ACTL6A: variants seen among roughly 807,000 people sequenced by gnomAD.
ACTL6A encodes actin like 6A.
In ACTL6A, 5 loss-of-function variants were observed where a neutral mutation model predicts 59.2. That is an observed-to-expected ratio of 0.08 (90% CI 0.04 to 0.18). The LOEUF (loss-of-function observed/expected upper bound fraction) is 0.18. Ranked by LOEUF, ACTL6A falls within the 10% of genes least tolerant of loss-of-function variation. The pLI is 1.00. For synonymous variants in ACTL6A, 154 were observed against 171.8 expected (o/e 0.90, Z 0.81); for missense variants, 285 against 526.9 (o/e 0.54, Z 4.49).
intron 4 of ACTL6A, among the ~76,000 whole-genome samples, chr3:179,573,673 C>A (rs1305216962): frequency 1.3e-5 from 2 of 151,906 alleles, no homozygotes; most frequent in Non-Finnish European, 2.9e-5. Flanking sequence ...AATAAAATAT[C>A]CAGAGAACAA....
intron 1 of ACTL6A, among the ~76,000 whole-genome samples, chr3:179,569,399 C>T (rs1472086047): frequency 1.3e-5 from 2 of 152,176 alleles, no homozygotes; most frequent in African/African-American, 4.8e-5. Context: ...AAATAATTCC[C>T]TTTAATAAGT....
intron 12 of ACTL6A, among the ~76,000 whole-genome samples, chr3:179,584,733 C>T (rs1044944826): frequency 2.6e-5 from 4 of 151,882 alleles, no homozygotes; most frequent in Non-Finnish European, 5.9e-5. Context: ...TGCAGTAAGC[C>T]GAGATCATGC....
At chr3:179,581,721 T>C (rs1486162215) in intron 11 of ACTL6A, among the ~76,000 whole-genome samples, 1 of 152,246 alleles carries the variant, frequency 6.6e-6, no homozygotes, top group Admixed American at 6.5e-5. Flanking sequence ...TTATTTTAAA[T>C]GCTCTTCATA....
chr3:179,567,604 C>A (rs1717874852), intron 1 of ACTL6A, among the ~76,000 whole-genome samples: 1 of 152,124 alleles, frequency 6.6e-6, no homozygotes, highest in Non-Finnish European at 1.5e-5. Context: ...ACAATTAATT[C>A]ATTTAATTAG....
intron 4 of ACTL6A, 142 bp from the exon 5 acceptor site, chr3:179,574,228 A>T: frequency 2.2e-6 from 1 of 455,724 alleles, no homozygotes. Context: ...TTTATGAGAT[A>T]TTATGAAAGA....
chr3:179,585,349 G>A (rs528849700), intron 12 of ACTL6A, among the ~76,000 whole-genome samples: 13 of 152,204 alleles, frequency 8.5e-5, no homozygotes, highest in African/African-American at 2.9e-4. Flanking sequence ...TGATCCACCC[G>A]CCTCGGCCTC....
intron 8 of ACTL6A, among the ~76,000 whole-genome samples, chr3:179,577,500 T>G (rs1194358891): frequency 1.3e-5 from 2 of 151,724 alleles, no homozygotes; most frequent in Non-Finnish European, 2.9e-5. Context: ...AAAAAAAAAC[T>G]GTTACTTTAG....
At chr3:179,580,749 T>C in intron 9 of ACTL6A, 48 bp downstream of exon 9, 2 of 1,460,856 alleles carry the variant, frequency 1.4e-6, no homozygotes, top group Admixed American at 2.2e-5. Flanking sequence ...GGAAAGGATT[T>C]GTTTAAAAAA....
chr3:179,584,035 T>C (rs1331416006), intron 12 of ACTL6A, among the ~76,000 whole-genome samples: 2 of 152,218 alleles, frequency 1.3e-5, no homozygotes, highest in Non-Finnish European at 2.9e-5. Flanking sequence ...TGGATTAGTT[T>C]CCTAGAGCTG....
chr3:179,563,299 C>T, intron 1 of ACTL6A, 182 bp downstream of exon 1: 1 of 1,030,110 alleles, frequency 9.7e-7, no homozygotes, highest in Non-Finnish European at 1.4e-6. Context: ...GCTCGCCGTG[C>T]TCCTCGGGCT....
At chr3:179,585,859 A>G (rs1718473977) in intron 12 of ACTL6A, among the ~76,000 whole-genome samples, 1 of 152,182 alleles carries the variant, frequency 6.6e-6, no homozygotes, top group African/African-American at 2.4e-5. Context: ...GAACAGAAGC[A>G]CTAATTTGGA....
In ACTL6A at chr3:179,570,227, T is replaced by C. The variant is rs1479130676; in HGVS notation, c.263T>C (p.Leu88Pro). The stretch of plus-strand genomic sequence containing the variant: ...GAGAATATGGAGGCCATTTCACCTC[T>C]AAAAAATGGGATGGGTATGATGTTT... ...PRENMEAISPLKNGMVEDWDS... is the reference protein window; with the variant it reads ...PRENMEAISPPKNGMVEDWDS... The change falls in exon 3 of 14, where the codon CTA becomes CCA. Residue 88 changes from leucine to proline, a missense_variant. Physicochemically the swap from Leu to Pro is moderately conservative, Grantham distance 98 (BLOSUM62 -3). Coordinates refer to ENST00000429709, the MANE Select transcript of ACTL6A (RefSeq NM_004301.5). The surrounding 1 kb of genome is among the most constrained non-coding windows in gnomAD (Gnocchi z 4.3). 6.2e-7 allele frequency: 1 copy of C among 1,612,384 alleles called. No homozygotes were observed. Among genetic ancestry groups the C allele is most frequent in the Non-Finnish European group, 8.5e-7 (1 of 1,179,492 alleles).
rs1008070570 is a variant in ACTL6A, at chr3:179,562,952, G to T, written c.-141G>T. 5 of 1,117,640 alleles carry T rather than the reference G, an allele frequency of 4.5e-6. No individual in the cohort carries two copies. Among genetic ancestry groups the T allele is most frequent in the Non-Finnish European group, 6.5e-6 (5 of 764,284 alleles). The allele number at this position is 1,117,640 out of a possible 1,614,324, so 69.2% of individuals were successfully genotyped here. A position where few individuals can be genotyped will look rare whatever the true frequency, so the allele number is the denominator to read the frequency against. On this transcript the variant is annotated 5_prime_UTR_variant, in exon 1 of 14. Transcript: ENST00000429709. Reference sequence around the variant, plus strand: ...AGTGTGGCTGAGCTCCGGGGTGTGTGGACGCCGCTTTGTTGCCTGAGGTGG... The same window carrying T: ...AGTGTGGCTGAGCTCCGGGGTGTGTTGACGCCGCTTTGTTGCCTGAGGTGG...
chr3:179,580,712 T>C lies in ACTL6A; in HGVS notation c.830+11T>C. ...AACTTATGATGAACAGTATGTTTTC[T>C]TATTAAAATGTATACTTTATAAATG... On this transcript the variant is annotated intron_variant, in intron 9 of 13. Coordinates refer to ENST00000429709, the MANE Select transcript of ACTL6A (RefSeq NM_004301.5). 1 of 1,574,272 alleles carries C rather than the reference T, an allele frequency of 6.4e-7. No homozygotes were observed.
intron 1 of ACTL6A, among the ~76,000 whole-genome samples, chr3:179,563,385 G>C (rs1717729466): frequency 6.6e-6 from 1 of 152,180 alleles, no homozygotes; most frequent in African/African-American, 2.4e-5. Context: ...TGCGCGCTCG[G>C]TTCTCTAGGG....
At chr3:179,587,875 G>A in intron 13 of ACTL6A, 55 bp from the exon 14 acceptor site, 1 of 1,501,676 alleles carries the variant, frequency 6.7e-7, no homozygotes, top group Non-Finnish European at 9.0e-7. Flanking sequence ...AATTTTTTAA[G>A]CCATTTCTAG....
chr3:179,574,207 G>GT (rs1165292001), intron 4 of ACTL6A, 163 bp from the exon 5 acceptor site: 9 of 419,858 alleles, frequency 2.1e-5, no homozygotes, highest in Non-Finnish European at 3.4e-5. Flanking sequence ...TATTATAGAG[G>GT]TTTTTTTATT....
intron 8 of ACTL6A, among the ~76,000 whole-genome samples, chr3:179,579,893 G>T (rs144225982): frequency 1.3e-5 from 2 of 152,210 alleles, no homozygotes. Flanking sequence ...CCCTGCCTCA[G>T]CCTCCTCAGT....
rs1718492490 is a variant in ACTL6A, at chr3:179,586,466, TGAAA to T, written c.1123-79_1123-76del. 2.9e-4 allele frequency: 195 copies of T among 678,198 alleles called. 1 individual carries two copies. The highest frequency in any genetic ancestry group is 4.5e-4 in the East Asian group (10 of 22,230). 42.0% of individuals were successfully genotyped at this position (678,198 alleles called of 1,614,324 possible). On this transcript the variant is annotated intron_variant, in intron 12 of 13. Coordinates refer to ENST00000429709, the MANE Select transcript of ACTL6A (RefSeq NM_004301.5). ...TGGCGAGGAAGACCCTGTCTCTATT[TGAAA>T]AAAAAAAAAAAAAAAAGAATTTTCT...
Sources: gnomAD v4.1 joint callset for allele counts (sites outside exome capture counted in the v4.1 genomes callset) on GRCh38, gnomAD v4.1.1 for gene constraint, Gnocchi (gnomAD v3.1) non-coding constraint, MANE v1.5 for transcripts, NCBI Gene and HGNC (gene_info 2026-07-23, HGNC 2026-07-21) for gene names.